The following MEAF6 variants were observed in gnomAD, a reference collection of about 807,000 sequenced individuals.
MEAF6 encodes the protein MYST/Esa1 associated factor 6.
MEAF6 carries 15 observed loss-of-function variants against 28.9 expected under a neutral mutation model. That is an observed-to-expected ratio of 0.52 (90% CI 0.35 to 0.80). The LOEUF is 0.80. Ranked by LOEUF, MEAF6 falls within the 30% of genes least tolerant of loss-of-function variation. The pLI, the probability that MEAF6 is intolerant of heterozygous loss-of-function variation, is 0.01. For synonymous variants in MEAF6, 97 were observed against 88.7 expected, an observed-to-expected ratio of 1.09 and a Z score of -0.53; for missense variants, 178 against 237.5, an observed-to-expected ratio of 0.75 and a Z score of 1.65.
chr1:37,499,594 G>A (rs1398129944), intron 5 of MEAF6, among the ~76,000 whole-genome samples: 1 of 152,208 alleles, frequency 6.6e-6, no homozygotes, highest in Non-Finnish European at 1.5e-5. Flanking sequence ...GGGCAGATGA[G>A]TGCCTAAGGC....
At chr1:37,513,285 C>G in intron 2 of MEAF6, 138 bp downstream of exon 2, 1 of 645,490 alleles carries the variant, frequency 1.5e-6, no homozygotes, top group Middle Eastern at 2.5e-4. Context: ...AGTGCCTGAG[C>G]CAGAGTCCAA....
At chr1:37,494,961 T>C (rs1193881808) in intron 6 of MEAF6, among the ~76,000 whole-genome samples, 1 of 152,026 alleles carries the variant, frequency 6.6e-6, no homozygotes, top group Non-Finnish European at 1.5e-5. Flanking sequence ...TTAGAGCACC[T>C]GAATTCACCA....
chr1:37,495,684 C>CAAAAAAAAAAAAAAAAAA (rs376230589), intron 6 of MEAF6, among the ~76,000 whole-genome samples: 3 of 70,522 alleles, frequency 4.3e-5, no homozygotes, highest in Non-Finnish European at 7.5e-5. Context: ...AACTGTCTCT[C>CAAAAAAAAAAAAAAAAAA]AAAAAAAAAA....
intron 4 of MEAF6, among the ~76,000 whole-genome samples, chr1:37,502,564 TTTG>T (rs1295213171): frequency 4.0e-5 from 5 of 125,214 alleles, no homozygotes; most frequent in East Asian, 2.7e-4. Context: ...TTGTTTTTTT[TTTG>T]TTTGTTTGTT....
chr1:37,498,813 C>T (rs1223596227), intron 5 of MEAF6, among the ~76,000 whole-genome samples: 2 of 152,036 alleles, frequency 1.3e-5, no homozygotes, highest in African/African-American at 4.8e-5. Context: ...TATAAGAATT[C>T]AGAACAATGT....
In MEAF6 at chr1:37,514,711, G is replaced by C; in HGVS notation, c.36C>G (p.Ile12Met). The stretch of plus-strand genomic sequence containing the variant: ...CCGCCAGCTCCCGCCGGGTGTCCGG[G>C]ATCTGCGGCGGCGCCGCCTTGTTGT... ...AMHNKAAPPQ[I>M]PDTRRELAEL... is the part of the protein sequence containing the mutation. The change falls in exon 1 of 7, where the codon ATC becomes ATG. Residue 12 changes from isoleucine to methionine, a missense_variant. Coordinates refer to ENST00000296214, the MANE Select transcript of MEAF6 (RefSeq NM_001270875.3). 1.9e-6 allele frequency: 3 copies of C among 1,538,978 alleles called. No individual in the cohort carries two copies. Among genetic ancestry groups the C allele is most frequent in the Non-Finnish European group, 2.6e-6 (3 of 1,147,522 alleles).
chr1:37,503,103 T>C (rs1055999978), intron 4 of MEAF6, among the ~76,000 whole-genome samples: 3 of 151,174 alleles, frequency 2.0e-5, no homozygotes, highest in Middle Eastern at 3.4e-3. Context: ...CCACCACACT[T>C]GGATACTTTT....
Position 37,502,353 on chromosome 1 carries a change from G to T in MEAF6, c.341-357C>A, listed in dbSNP as rs550110611. 2.0e-5 allele frequency among the ~76,000 whole-genome samples: 3 copies of T among 152,170 alleles called. No homozygotes were observed. In the South Asian group the frequency reaches 6.2e-4, roughly 32 times the overall value. On this transcript the variant is annotated intron_variant, in intron 4 of 6. Transcript: ENST00000296214. ...AGCCTCCCAGAGCACTGGGATCACA[G>T]GCATGAGATACTGTGCCTGATCTAT...
intron 4 of MEAF6, among the ~76,000 whole-genome samples, chr1:37,507,963 T>C (rs1642540191): frequency 6.6e-6 from 1 of 152,138 alleles, no homozygotes; most frequent in Admixed American, 6.5e-5. Context: ...CTTTTCCTCA[T>C]ATCATTGTAC....
At chr1:37,495,720 C>CAAAAAAAA in intron 6 of MEAF6, among the ~76,000 whole-genome samples, 165 bp downstream of exon 6, 1 of 86,552 alleles carries the variant, frequency 1.2e-5, no homozygotes, top group Non-Finnish European at 2.7e-5. Context: ...AAAAAAAAAA[C>CAAAAAAAA]AAAAAAACCA....
chr1:37,500,765 G>A (rs1458363822), intron 5 of MEAF6, among the ~76,000 whole-genome samples: 1 of 152,154 alleles, frequency 6.6e-6, no homozygotes, highest in East Asian at 1.9e-4. Context: ...TACCTTGGGT[G>A]CATGAAGGAA....
chr1:37,495,878 T>TA lies in MEAF6; in HGVS notation c.567+6dup, dbSNP rs1256663727. On this transcript the variant is annotated splice_region_variant and intron_variant, in intron 6 of 6. Coordinates refer to ENST00000296214, the MANE Select transcript of MEAF6 (RefSeq NM_001270875.3). The stretch of plus-strand genomic sequence containing the variant: ...AGCCTCTCTGAAGTGGTCCGGCTGA[T>TA]ACTTACAGCTCGTGGTTTTTTGTTT... 1.2e-6 allele frequency: 2 copies of TA among 1,613,940 alleles called. No individual in the cohort carries two copies. Among genetic ancestry groups the TA allele is most frequent in the Non-Finnish European group, 1.7e-6 (2 of 1,179,942 alleles).
intron 5 of MEAF6, among the ~76,000 whole-genome samples, chr1:37,499,886 G>T (rs1642242258): frequency 6.6e-6 from 1 of 152,174 alleles, no homozygotes; most frequent in Non-Finnish European, 1.5e-5. Flanking sequence ...TAGTGGAAAT[G>T]AAGAACTACC....
intron 2 of MEAF6, among the ~76,000 whole-genome samples, chr1:37,510,381 A>AC (rs1642628947): frequency 1.1e-5 from 1 of 95,014 alleles, no homozygotes; most frequent in African/African-American, 4.2e-5. Context: ...GCACCTAGCC[A>AC]TTTTTTTTTT....
At chr1:37,496,683 A>C (rs1328704013) in intron 5 of MEAF6, 1 of 1,586,436 alleles carries the variant, frequency 6.3e-7, no homozygotes. Context: ...ACACAGCACA[A>C]ATACTAATTC....
intron 4 of MEAF6, among the ~76,000 whole-genome samples, chr1:37,506,585 G>C (rs1386606072): frequency 6.6e-6 from 1 of 152,060 alleles, no homozygotes; most frequent in Non-Finnish European, 1.5e-5. Flanking sequence ...GGTCCACTAT[G>C]TTCCCTAGTC....
chr1:37,498,292 C>T (rs1209412069), intron 5 of MEAF6, among the ~76,000 whole-genome samples: 5 of 151,992 alleles, frequency 3.3e-5, no homozygotes, highest in Admixed American at 1.3e-4. Context: ...CACTTTCAGC[C>T]TGACTTGACT....
At chr1:37,508,532 A>G (rs1336154433) in intron 4 of MEAF6, among the ~76,000 whole-genome samples, 1 of 151,290 alleles carries the variant, frequency 6.6e-6, no homozygotes, top group Non-Finnish European at 1.5e-5. Context: ...CAATCCTCCC[A>G]CCTCTCCATT....
At chr1:37,501,783 G>A (rs757837470) in intron 5 of MEAF6, 21 bp downstream of exon 5, 17 of 1,541,398 alleles carry the variant, frequency 1.1e-5, no homozygotes, top group Non-Finnish European at 1.2e-5. Context: ...GAGCTGCGGG[G>A]GTGGGATCCC....
Sources: allele counts gnomAD v4.1 joint callset (sites outside exome capture counted in the v4.1 genomes callset), GRCh38; gene constraint gnomAD v4.1.1; transcripts MANE v1.5; gene names NCBI Gene and HGNC (gene_info 2026-07-23, HGNC 2026-07-21).